The following AUTS2 variants were observed in gnomAD, a reference collection of about 807,000 sequenced individuals.
The protein encoded by AUTS2 is activator of transcription and developmental regulator AUTS2, also known as autism susceptibility gene 2 protein.
Under a neutral mutation model 112.4 loss-of-function variants are expected in AUTS2, and 17 were observed. The observed-to-expected ratio is 0.15, with a 90% confidence interval of 0.10 to 0.23. The LOEUF (loss-of-function observed/expected upper bound fraction) is 0.23, where lower values mean the gene tolerates loss of function less well. Among genes scored for constraint, AUTS2 ranks in the 10% least tolerant of loss-of-function variants. The probability of loss-of-function intolerance (pLI) is 1.00; values close to 1 mark genes in which losing one functional copy is unlikely to be tolerated. For missense variants in AUTS2, 1,510 were observed against 1,701.6 expected (o/e 0.89, Z 1.98); for synonymous variants, 751 against 702.7 (o/e 1.07, Z -1.09).
intron 1 of AUTS2, among the ~76,000 whole-genome samples, chr7:69,754,793 G>A (rs551573959): frequency 2.6e-5 from 4 of 152,236 alleles, no homozygotes; most frequent in Admixed American, 1.3e-4. Context: ...ATTTCTCACC[G>A]TTTTTCAAAT....
At chr7:69,714,863 A>G (rs1798524643) in intron 1 of AUTS2, among the ~76,000 whole-genome samples, 1 of 152,106 alleles carries the variant, frequency 6.6e-6, no homozygotes, top group African/African-American at 2.4e-5. Flanking sequence ...GTCTTTCTGT[A>G]AATTTTTTAG....
chr7:69,660,709 G>C (rs1445340013), intron 1 of AUTS2, among the ~76,000 whole-genome samples: 5 of 152,198 alleles, frequency 3.3e-5, no homozygotes, highest in African/African-American at 1.2e-4. Flanking sequence ...GAGGTGGGCA[G>C]ATCACGAGGT....
intron 4 of AUTS2, among the ~76,000 whole-genome samples, chr7:70,336,143 T>C (rs1020866401): frequency 6.6e-6 from 1 of 152,218 alleles, no homozygotes; most frequent in Non-Finnish European, 1.5e-5. Context: ...TTTACTTTAC[T>C]TCTTTTTAAA....
At chr7:69,833,814 C>T (rs781597211) in intron 1 of AUTS2, among the ~76,000 whole-genome samples, 8 of 152,100 alleles carry the variant, frequency 5.3e-5, no homozygotes, top group African/African-American at 1.2e-4. Context: ...GTTCATATTC[C>T]GATAAGTGTA....
chr7:70,218,556 C>G (rs1276605275), intron 4 of AUTS2, among the ~76,000 whole-genome samples: 1 of 152,118 alleles, frequency 6.6e-6, no homozygotes, highest in Non-Finnish European at 1.5e-5. Flanking sequence ...ATTAATTATG[C>G]TAATTTTCCA....
At chr7:70,698,648 T>G (rs1175102968) in intron 6 of AUTS2, 28 bp downstream of exon 6, 3 of 1,552,240 alleles carry the variant, frequency 1.9e-6, no homozygotes, top group Non-Finnish European at 2.6e-6. Flanking sequence ...TCCTGAGTAA[T>G]GGCTTATTTT....
intron 1 of AUTS2, among the ~76,000 whole-genome samples, chr7:69,852,660 C>A (rs558156890): frequency 5.9e-5 from 9 of 152,076 alleles, no homozygotes. Flanking sequence ...ACCATGTTGG[C>A]CAGGCTGGTC....
Position 70,108,158 on chromosome 7 carries a change from C to T in AUTS2, c.523-9974C>T, listed in dbSNP as rs1007348214. ...AAGATAGCTATGGACAGTGTAGGGGCTTAGTCTTGATGAGATTTTAATTTT... is the reference window on the plus strand; with the variant it reads ...AAGATAGCTATGGACAGTGTAGGGGTTTAGTCTTGATGAGATTTTAATTTT... On this transcript the variant is annotated intron_variant, in intron 2 of 18. Transcript: ENST00000342771. Among the ~76,000 whole-genome samples, 34 of 151,890 alleles carry T rather than the reference C, an allele frequency of 2.2e-4. 1 individual carries two copies. Among genetic ancestry groups the T allele is most frequent in the Non-Finnish European group, 3.5e-4 (24 of 67,970 alleles).
chr7:69,926,441 GTCTGTCTATCTATCTATCTATCTATCTA>G (rs1796012209), intron 2 of AUTS2, among the ~76,000 whole-genome samples: 2 of 140,164 alleles, frequency 1.4e-5, no homozygotes, highest in Admixed American at 7.3e-5. Flanking sequence ...CTGTCTGTCT[GTCTGTCTATCTATCTATCTATCTATCTA>G]TCTATCTATC....
intron 1 of AUTS2, among the ~76,000 whole-genome samples, chr7:69,645,003 G>A (rs1794960336): frequency 6.6e-6 from 1 of 151,870 alleles, no homozygotes; most frequent in African/African-American, 2.4e-5. Flanking sequence ...CAAACTCCTG[G>A]GCTCAAGTGA....
chr7:70,223,511 A>G (rs533921192), intron 4 of AUTS2, among the ~76,000 whole-genome samples: 4 of 152,240 alleles, frequency 2.6e-5, no homozygotes, highest in Admixed American at 6.5e-5. Flanking sequence ...CTGCGCTGCC[A>G]GTTGTATAAA....
At chr7:70,491,246 A>G (rs564093483) in intron 5 of AUTS2, among the ~76,000 whole-genome samples, 2 of 151,864 alleles carry the variant, frequency 1.3e-5, no homozygotes, top group Non-Finnish European at 2.9e-5. Context: ...TCTGTCTTTC[A>G]TCTGTCCTAT....
chr7:70,233,559 C>T (rs139255780), intron 4 of AUTS2, among the ~76,000 whole-genome samples: 3 of 152,242 alleles, frequency 2.0e-5, no homozygotes, highest in Non-Finnish European at 2.9e-5. Flanking sequence ...AATGGAATTG[C>T]GGGCAGATAC....
intron 5 of AUTS2, among the ~76,000 whole-genome samples, chr7:70,537,111 G>T (rs1424791362): frequency 6.6e-6 from 1 of 152,124 alleles, no homozygotes; most frequent in Admixed American, 6.5e-5. Context: ...CCCACTTTCA[G>T]ACATTTATAT....
chr7:69,815,332 ATATATC>A (rs1340428022), intron 1 of AUTS2, among the ~76,000 whole-genome samples: 1 of 152,096 alleles, frequency 6.6e-6, no homozygotes, highest in Non-Finnish European at 1.5e-5. Flanking sequence ...CTATATATCT[ATATATC>A]TATATCTCCT....
chr7:70,459,333 A>G (rs905794189), intron 5 of AUTS2, among the ~76,000 whole-genome samples: 3 of 152,222 alleles, frequency 2.0e-5, no homozygotes, highest in Non-Finnish European at 4.4e-5. Flanking sequence ...AGACTCTGGA[A>G]TAAGCGCCCA....
At chr7:69,983,281 C>T (rs1798370672) in intron 2 of AUTS2, among the ~76,000 whole-genome samples, 2 of 150,100 alleles carry the variant, frequency 1.3e-5, no homozygotes, top group Non-Finnish European at 3.0e-5. Flanking sequence ...CTCACAATCT[C>T]TGTGGGGTTT....
intron 1 of AUTS2, among the ~76,000 whole-genome samples, chr7:69,640,659 G>A (rs1434662529): frequency 6.6e-6 from 1 of 152,076 alleles, no homozygotes; most frequent in Non-Finnish European, 1.5e-5. Flanking sequence ...GAGATTACCT[G>A]CCTTCAAATA....
chr7:70,308,717 G>T (rs1420414718), intron 4 of AUTS2, among the ~76,000 whole-genome samples: 1 of 152,136 alleles, frequency 6.6e-6, no homozygotes, highest in African/African-American at 2.4e-5. Flanking sequence ...TTCTCAACTG[G>T]TGTACCACAC....
Sources: allele counts gnomAD v4.1 joint callset (sites outside exome capture counted in the v4.1 genomes callset), GRCh38; gene constraint gnomAD v4.1.1; transcripts MANE v1.5; gene names NCBI Gene and HGNC (gene_info 2026-07-23, HGNC 2026-07-21).